The following FTO variants were observed in gnomAD, a reference collection of about 807,000 sequenced individuals.
FTO encodes alpha-ketoglutarate-dependent dioxygenase FTO.
A neutral mutation model predicts 63.9 loss-of-function variants in FTO; 47 were observed. That is an observed-to-expected ratio of 0.74 (90% CI 0.58 to 0.94). FTO has a LOEUF of 0.94. Among genes scored for constraint, FTO ranks in the 40% least tolerant of loss-of-function variants. The pLI is 0.00. For synonymous variants in FTO, 207 were observed against 224.4 expected (o/e 0.92, Z 0.69); for missense variants, 562 against 618.1 (o/e 0.91, Z 0.96).
chr16:54,067,700 C>G (rs1224474759), intron 8 of FTO, among the ~76,000 whole-genome samples: 1 of 152,204 alleles, frequency 6.6e-6, no homozygotes, highest in Non-Finnish European at 1.5e-5. Flanking sequence ...AACGTGAAAG[C>G]ACCAGATTGG....
intron 8 of FTO, among the ~76,000 whole-genome samples, chr16:54,031,049 A>G (rs2084818834): frequency 6.6e-6 from 1 of 152,200 alleles, no homozygotes; most frequent in Non-Finnish European, 1.5e-5. Context: ...TTAGGTTATC[A>G]CTGAATTGAA....
In FTO at chr16:54,115,628, A is replaced by C. The variant is rs1413689421; in HGVS notation, c.*3713A>C. On this transcript the variant is annotated 3_prime_UTR_variant, in exon 9 of 9. Transcript: ENST00000471389. ...GAGCCTTGGGAGGGGGTGCCCAAGG[A>C]AGGAAAAGGGCCCTGAGCCTGAAGC... 1 of 152,054 alleles carries C rather than the reference A, an allele frequency of 6.6e-6. No homozygotes were observed. Among genetic ancestry groups the C allele is most frequent in the Admixed American group, 6.6e-5 (1 of 15,258 alleles). The allele number at this position is 152,054 out of a possible 1,614,324, so 9.4% of individuals were successfully genotyped here. A position where few individuals can be genotyped will look rare whatever the true frequency, so the allele number is the denominator to read the frequency against.
rs1240044623 is a variant in FTO at position 54,120,546 on chromosome 16, A to G, written c.*8631A>G. The G allele has an allele frequency of 6.6e-6, 1 of 152,248 alleles. No individual in the cohort carries two copies. The highest frequency in any genetic ancestry group is 2.4e-5 in the African/African-American group (1 of 41,456). The allele number at this position is 152,248 out of a possible 1,614,324, so 9.4% of individuals were successfully genotyped here. A position where few individuals can be genotyped will look rare whatever the true frequency, so the allele number is the denominator to read the frequency against. ...TGCAAAGGCACATACCCCAAAGAGA[A>G]GTTTTTAATATGTCACACCCATATT... On this transcript the variant is annotated 3_prime_UTR_variant, in exon 9 of 9. Coordinates refer to ENST00000471389, the MANE Select transcript of FTO (RefSeq NM_001080432.3).
intron 8 of FTO, among the ~76,000 whole-genome samples, chr16:53,945,993 C>T (rs978628878): frequency 6.6e-6 from 1 of 152,160 alleles, no homozygotes; most frequent in African/African-American, 2.4e-5. Flanking sequence ...GGGGTATCCC[C>T]AGTGTATTTT....
rs185212659 is a variant in FTO at position 54,051,691 on chromosome 16, T to C, written c.1365-60071T>C. 2.7e-4 allele frequency among the ~76,000 whole-genome samples: 41 copies of C among 152,374 alleles called. 1 individual carries two copies. In the East Asian group the frequency reaches 4.4e-3, roughly 16 times the overall value. ...TAAATGCCCATGATCTCAAAAGCAG[T>C]CCTCATATTAAAATCACCCTTTATA... On this transcript the variant is annotated intron_variant, in intron 8 of 8. Transcript: ENST00000471389.
intron 1 of FTO, among the ~76,000 whole-genome samples, chr16:53,738,695 C>T (rs1230980670): frequency 6.6e-6 from 1 of 152,106 alleles, no homozygotes; most frequent in Admixed American, 6.5e-5. Flanking sequence ...GTGACATTCC[C>T]ACTAGAAATG....
At position 53,873,839 on chromosome 16, in the gene FTO, T is replaced by A. The variant is rs1370044478; in HGVS notation, c.949T>A (p.Phe317Ile). Residue 317 changes from phenylalanine to isoleucine, a missense_variant, in exon 5 of 9, where the codon TTT (phenylalanine) becomes ATT (isoleucine). Coordinates refer to ENST00000471389, the MANE Select transcript of FTO (RefSeq NM_001080432.3). ...HCVLAGSQPR[F>I]SSTHRVAECS... is the part of the protein sequence containing the mutation. ...TGTTTTGGCCGGTTCACAACCTCGGTTTAGTTCCACCCACCGAGTGGCAGA... is the reference window on the plus strand; with the variant it reads ...TGTTTTGGCCGGTTCACAACCTCGGATTAGTTCCACCCACCGAGTGGCAGA... 1.2e-6 allele frequency: 2 copies of A among 1,613,022 alleles called. No individual in the cohort carries two copies. Among genetic ancestry groups the A allele is most frequent in the Admixed American group, 1.7e-5 (1 of 60,002 alleles).
At chr16:53,746,191 G>T (rs1392787062) in intron 1 of FTO, among the ~76,000 whole-genome samples, 1 of 152,186 alleles carries the variant, frequency 6.6e-6, no homozygotes, top group Non-Finnish European at 1.5e-5. Flanking sequence ...AGCCAATGAC[G>T]TGGAAGTGAT....
At chr16:54,026,568 G>A (rs1159834851) in intron 8 of FTO, among the ~76,000 whole-genome samples, 6 of 152,206 alleles carry the variant, frequency 3.9e-5, no homozygotes, top group Non-Finnish European at 5.9e-5. Context: ...CTGTGTGAGA[G>A]AGTAGAAAGG....
At chr16:53,889,335 A>G (rs2081089059) in intron 7 of FTO, among the ~76,000 whole-genome samples, 1 of 152,154 alleles carries the variant, frequency 6.6e-6, no homozygotes, top group Non-Finnish European at 1.5e-5. Context: ...CCAGGCCTTA[A>G]TTTGTGGATG....
At chr16:53,835,982 C>T (rs2079280186) in intron 3 of FTO, among the ~76,000 whole-genome samples, 1 of 151,598 alleles carries the variant, frequency 6.6e-6, no homozygotes, top group Non-Finnish European at 1.5e-5. Flanking sequence ...CCTCTGCCTC[C>T]CAGGTTCAAG....
intron 3 of FTO, among the ~76,000 whole-genome samples, chr16:53,830,992 G>T (rs1016381006): frequency 6.6e-6 from 1 of 152,170 alleles, no homozygotes; most frequent in African/African-American, 2.4e-5. Context: ...TGATAGGCTG[G>T]AAAGTAGAGA....
chr16:53,845,231 C>T (rs2079587738), intron 4 of FTO, among the ~76,000 whole-genome samples: 1 of 152,180 alleles, frequency 6.6e-6, no homozygotes, highest in South Asian at 2.1e-4. Context: ...TATCTCACTC[C>T]TATCTACCTG....
rs908856906 is a variant in FTO at position 54,074,925 on chromosome 16, T to A, written c.1365-36837T>A. On this transcript the variant is annotated intron_variant, in intron 8 of 8. Transcript: ENST00000471389. ...GAGAGAGAGAGAGAGAGAGTGTGTG[T>A]GTGTGTGTGTGTGTGTGTGTGTGTG... Among the ~76,000 whole-genome samples the A allele has an allele frequency of 3.7e-3, 539 of 143,976 alleles. 1 individual carries two copies. Among genetic ancestry groups the A allele is most frequent in the Middle Eastern group, 0.014 (4 of 278 alleles). 94.5% of individuals were successfully genotyped at this position (143,976 alleles called of 152,430 possible). A position where few individuals can be genotyped will look rare whatever the true frequency, so the allele number is the denominator to read the frequency against.
At chr16:54,076,312 T>C (rs542908549) in intron 8 of FTO, among the ~76,000 whole-genome samples, 2 of 152,208 alleles carry the variant, frequency 1.3e-5, no homozygotes, top group Non-Finnish European at 2.9e-5. Context: ...GCAGTAGGAC[T>C]GAGGAGTCAA....
At chr16:53,948,157 A>G (rs1324961102) in intron 8 of FTO, among the ~76,000 whole-genome samples, 1 of 152,140 alleles carries the variant, frequency 6.6e-6, no homozygotes, top group Non-Finnish European at 1.5e-5. Flanking sequence ...TAGTTTTTGT[A>G]CGAAGAGTGC....
At chr16:53,983,507 G>A (rs1256692573) in intron 8 of FTO, among the ~76,000 whole-genome samples, 1 of 151,950 alleles carries the variant, frequency 6.6e-6, no homozygotes, top group Non-Finnish European at 1.5e-5. Context: ...GGTGACTGTT[G>A]GAATTGCTAA....
intron 4 of FTO, among the ~76,000 whole-genome samples, chr16:53,859,255 C>G (rs1050263659): frequency 6.6e-6 from 1 of 152,106 alleles, no homozygotes; most frequent in African/African-American, 2.4e-5. Context: ...CCACTTCAAC[C>G]TCCAATTTCT....
At chr16:53,948,485 A>G (rs950167159) in intron 8 of FTO, among the ~76,000 whole-genome samples, 2 of 152,254 alleles carry the variant, frequency 1.3e-5, no homozygotes. Context: ...TGCATAGAGT[A>G]GAACAATGTT....
Sources: gnomAD v4.1 joint callset for allele counts (sites outside exome capture counted in the v4.1 genomes callset) on GRCh38, gnomAD v4.1.1 for gene constraint, MANE v1.5 for transcripts, NCBI Gene and HGNC (gene_info 2026-07-23, HGNC 2026-07-21) for gene names.